The following RBFOX2 variants were observed in gnomAD, a reference collection of about 807,000 sequenced individuals.
RBFOX2 encodes the protein RNA binding fox-1 homolog 2, also known as RNA binding protein fox-1 homolog 2.
In RBFOX2, 10 loss-of-function variants were observed where a neutral mutation model predicts 49.1. That is an observed-to-expected ratio of 0.20 (90% CI 0.13 to 0.35). The LOEUF is 0.35. Among genes scored for constraint, RBFOX2 ranks in the 10% least tolerant of loss-of-function variants. RBFOX2 has a pLI of 1.00. For synonymous variants in RBFOX2, 183 were observed against 187.4 expected (o/e 0.98, Z 0.19); for missense variants, 323 against 486.9 (o/e 0.66, Z 3.17).
chr22:35,897,971 A>C, intron 1 of RBFOX2: 2 of 772,476 alleles, frequency 2.6e-6, no homozygotes, highest in Non-Finnish European at 4.6e-6. Flanking sequence ...ATCTTCACAA[A>C]AACATCCTCA....
At chr22:35,809,308 G>T (rs1951366745) in intron 2 of RBFOX2, among the ~76,000 whole-genome samples, 1 of 152,088 alleles carries the variant, frequency 6.6e-6, no homozygotes, top group African/African-American at 2.4e-5. Flanking sequence ...CAAGCAATTT[G>T]GTGGAAGAGT....
At chr22:35,923,604 G>GT (rs959946164) in intron 1 of RBFOX2, among the ~76,000 whole-genome samples, 6 of 151,832 alleles carry the variant, frequency 4.0e-5, no homozygotes, top group Admixed American at 1.3e-4. Flanking sequence ...CAAGGAATTG[G>GT]TTTTTTTTAA....
chr22:35,997,102 G>A (rs1271737900), intron 1 of RBFOX2: 1 of 152,190 alleles, frequency 6.6e-6, no homozygotes, highest in African/African-American at 2.4e-5. Flanking sequence ...GATAATATGA[G>A]ACTTAGGAAA....
At chr22:35,894,627 T>C (rs369729323) in intron 1 of RBFOX2, among the ~76,000 whole-genome samples, 39 of 151,704 alleles carry the variant, frequency 2.6e-4, no homozygotes, top group African/African-American at 8.9e-4. Flanking sequence ...ATAAACAACA[T>C]AGGGGGAGGA....
intron 1 of RBFOX2, among the ~76,000 whole-genome samples, chr22:36,015,298 C>T (rs904569744): frequency 3.3e-5 from 5 of 152,222 alleles, no homozygotes; most frequent in African/African-American, 1.2e-4. Context: ...ATGAAACGGA[C>T]TGCTTAAGCA....
At chr22:35,902,671 A>C (rs891476449) in intron 1 of RBFOX2, among the ~76,000 whole-genome samples, 1 of 151,730 alleles carries the variant, frequency 6.6e-6, no homozygotes, top group Non-Finnish European at 1.5e-5. Context: ...TTGAGACAGG[A>C]TCTCACTCTG....
chr22:35,941,756 G>A (rs775743357), upstream of RBFOX2, among the ~76,000 whole-genome samples: 1 of 152,086 alleles, frequency 6.6e-6, no homozygotes, highest in Non-Finnish European at 1.5e-5. Flanking sequence ...GATCACATTC[G>A]TATAAGCCAG....
chr22:36,007,318 CATAGA>C (rs1208809327), intron 1 of RBFOX2, among the ~76,000 whole-genome samples: 3 of 151,670 alleles, frequency 2.0e-5, no homozygotes, highest in East Asian at 1.9e-4. Flanking sequence ...GAATATCCTA[CATAGA>C]ATAAACAATG....
chr22:35,947,488 G>T (rs1368100858), intron 1 of RBFOX2, among the ~76,000 whole-genome samples: 1 of 150,664 alleles, frequency 6.6e-6, no homozygotes, highest in East Asian at 1.9e-4. Context: ...TCCTTCCTGA[G>T]GTCTTCCAGC....
At chr22:36,014,189 G>A (rs61349468) in intron 1 of RBFOX2, among the ~76,000 whole-genome samples, 2 of 150,678 alleles carry the variant, frequency 1.3e-5, no homozygotes, top group Non-Finnish European at 1.5e-5. Flanking sequence ...TGGCGCAATC[G>A]CGGCTCACTG....
At chr22:35,744,177 G>A in exon 12 of RBFOX2, 1 of 1,602,948 alleles carries the variant, frequency 6.2e-7, no homozygotes, top group Non-Finnish European at 8.5e-7. Flanking sequence ...CTGGGGGGCT[G>A]TCCCATTTGC....
At chr22:35,976,149 C>T (rs1032647038) in intron 1 of RBFOX2, among the ~76,000 whole-genome samples, 1 of 152,164 alleles carries the variant, frequency 6.6e-6, no homozygotes, top group Non-Finnish European at 1.5e-5. Context: ...AATGAAAAGG[C>T]TGAACAACAT....
intron 1 of RBFOX2, among the ~76,000 whole-genome samples, chr22:36,006,185 A>G (rs2058612036): frequency 6.6e-6 from 1 of 152,280 alleles, no homozygotes; most frequent in African/African-American, 2.4e-5. Context: ...AAAATTTTTG[A>G]AAGCCTCTAA....
At chr22:36,013,475 AG>A (rs1295619616) in intron 1 of RBFOX2, among the ~76,000 whole-genome samples, 5 of 152,200 alleles carry the variant, frequency 3.3e-5, no homozygotes, top group Non-Finnish European at 5.9e-5. Context: ...TTACAAAGAA[AG>A]CTGAGGCTTA....
At chr22:36,007,810 T>C (rs996140957) in intron 1 of RBFOX2, among the ~76,000 whole-genome samples, 9 of 152,166 alleles carry the variant, frequency 5.9e-5, no homozygotes, top group African/African-American at 2.2e-4. Flanking sequence ...ACAATTGATA[T>C]ATTTAAAGAG....
chr22:35,744,454 A>G (rs1030188116), intron 11 of RBFOX2, among the ~76,000 whole-genome samples: 2 of 152,172 alleles, frequency 1.3e-5, no homozygotes, highest in Non-Finnish European at 2.9e-5. Flanking sequence ...TTTATTGCTG[A>G]CCTGATATTC....
chr22:35,766,373 A>T (rs1940947107), intron 5 of RBFOX2, among the ~76,000 whole-genome samples: 1 of 152,228 alleles, frequency 6.6e-6, no homozygotes, highest in Non-Finnish European at 1.5e-5. Context: ...TTGAAAAAAG[A>T]AGCATAAAAT....
intron 1 of RBFOX2, among the ~76,000 whole-genome samples, chr22:35,911,460 T>C (rs2049820964): frequency 1.3e-5 from 2 of 152,346 alleles, no homozygotes; most frequent in South Asian, 2.1e-4. Flanking sequence ...ACCTCTGATT[T>C]ATCTTAAAGT....
intron 1 of RBFOX2, among the ~76,000 whole-genome samples, chr22:35,845,877 T>C (rs1449393676): frequency 3.9e-5 from 6 of 152,160 alleles, no homozygotes; most frequent in African/African-American, 1.2e-4. Context: ...TGTTGTCTTG[T>C]TCACCACTAA....
Sources: gnomAD v4.1 joint callset for allele counts (sites outside exome capture counted in the v4.1 genomes callset) on GRCh38, gnomAD v4.1.1 for gene constraint, MANE v1.5 for transcripts, NCBI Gene and HGNC (gene_info 2026-07-23, HGNC 2026-07-21) for gene names.